The following GPHN variants were observed in gnomAD, a reference collection of about 807,000 sequenced individuals.
The protein encoded by GPHN is gephyrin.
Under a neutral mutation model 95.5 loss-of-function variants are expected in GPHN, and 17 were observed. That is an observed-to-expected ratio of 0.18 (90% confidence interval 0.12 to 0.27). The LOEUF (loss-of-function observed/expected upper bound fraction) is 0.27, where lower values mean the gene tolerates loss of function less well. GPHN is among the 10% of genes least tolerant of loss of function. The pLI is 1.00. For synonymous variants in GPHN, 320 were observed against 322.5 expected, an observed-to-expected ratio of 0.99 and a Z score of 0.08; for missense variants, 660 against 978.1, an observed-to-expected ratio of 0.67 and a Z score of 4.34.
At chr14:67,510,677 G>A in the GPHN span, among the ~76,000 whole-genome samples, 1 of 152,214 alleles carries the variant, frequency 6.6e-6, no homozygotes, top group Non-Finnish European at 1.5e-5. Context: ...TAAGACCAAT[G>A]CTCTGGCTGC....
chr14:67,681,713 C>T, the GPHN span, among the ~76,000 whole-genome samples: 20 of 152,072 alleles, frequency 1.3e-4, no homozygotes, highest in African/African-American at 4.6e-4. Context: ...ACCCAGGAGG[C>T]GGAGGTTGCA....
At chr14:66,908,305 C>T (rs2065485608) in intron 5 of GPHN, among the ~76,000 whole-genome samples, 2 of 151,456 alleles carry the variant, frequency 1.3e-5, no homozygotes, top group African/African-American at 4.8e-5. Flanking sequence ...CACACATTGG[C>T]GGGTATATAT....
the GPHN span, among the ~76,000 whole-genome samples, chr14:67,408,339 TAAAATAAAATAAAATAAAAA>T: frequency 1.2e-4 from 17 of 141,670 alleles, no homozygotes; most frequent in African/African-American, 4.4e-4. Flanking sequence ...TAAAATAAAA[TAAAATAAAATAAAATAAAAA>T]AAGAAAAAAC....
the GPHN span, among the ~76,000 whole-genome samples, chr14:67,449,514 T>C: frequency 7.0e-3 from 1,071 of 152,090 alleles, 2 homozygotes; most frequent in Non-Finnish European, 0.013. Flanking sequence ...CTGACAATGG[T>C]CCCCTGTATC....
At chr14:66,603,378 G>T (rs538916117) in intron 1 of GPHN, among the ~76,000 whole-genome samples, 1 of 151,642 alleles carries the variant, frequency 6.6e-6, no homozygotes, top group Admixed American at 6.6e-5. Context: ...GAATCATACC[G>T]TACGAACACT....
chr14:66,905,224 A>G (rs1408301057), intron 5 of GPHN, among the ~76,000 whole-genome samples: 1 of 152,030 alleles, frequency 6.6e-6, no homozygotes, highest in Admixed American at 6.6e-5. Context: ...CTTCTAACGA[A>G]CTTTTCAGTT....
At chr14:67,029,015 T>A (rs2074057875) in intron 10 of GPHN, among the ~76,000 whole-genome samples, 1 of 152,236 alleles carries the variant, frequency 6.6e-6, no homozygotes, top group Non-Finnish European at 1.5e-5. Flanking sequence ...TTTAAGTATT[T>A]AATCTATTTT....
intron 16 of GPHN, among the ~76,000 whole-genome samples, chr14:67,117,204 AAAGG>A (rs2078744682): frequency 6.6e-6 from 1 of 152,226 alleles, no homozygotes; most frequent in Admixed American, 6.5e-5. Context: ...CATGAGAAAG[AAAGG>A]AAGTCATTAC....
At chr14:67,198,468 AC>A in the GPHN span, 6 of 730,026 alleles carry the variant, frequency 8.2e-6, no homozygotes, top group African/African-American at 1.8e-5. Context: ...ACTTTAAAAA[AC>A]CTGAAATAAT....
chr14:66,672,933 A>C (rs1164637038), intron 1 of GPHN, among the ~76,000 whole-genome samples: 5 of 152,258 alleles, frequency 3.3e-5, no homozygotes. Flanking sequence ...AGGTGAATTA[A>C]TATCTACCAT....
the GPHN span, chr14:67,395,375 A>T: frequency 6.2e-7 from 1 of 1,605,526 alleles, no homozygotes; most frequent in Non-Finnish European, 8.5e-7. Context: ...AGAGGCTGCC[A>T]CAGAGCCCGG....
the GPHN span, among the ~76,000 whole-genome samples, chr14:67,706,428 G>A: frequency 2.6e-5 from 4 of 152,152 alleles, no homozygotes; most frequent in Admixed American, 2.6e-4. Context: ...TGTCCAAGGT[G>A]GTCAGAACAC....
chr14:67,369,856 T>TGTTGGGGA, the GPHN span, among the ~76,000 whole-genome samples: 1 of 152,234 alleles, frequency 6.6e-6, no homozygotes, highest in African/African-American at 2.4e-5. Flanking sequence ...AGACCAGCTC[T>TGTTGGGGA]GTTGGGGAGA....
chr14:66,680,341 C>T (rs2066867241), intron 1 of GPHN, among the ~76,000 whole-genome samples: 1 of 152,194 alleles, frequency 6.6e-6, no homozygotes, highest in Non-Finnish European at 1.5e-5. Context: ...ATTTTATCCT[C>T]ACAGTGGTAG....
At chr14:67,203,392 G>A in the GPHN span, 4 of 990,196 alleles carry the variant, frequency 4.0e-6, no homozygotes, top group Non-Finnish European at 5.8e-6. Flanking sequence ...CGCCAGTGGA[G>A]CATGTTACTC....
chr14:66,697,177 C>T, intron 2 of GPHN, among the ~76,000 whole-genome samples: 1 of 152,186 alleles, frequency 6.6e-6, no homozygotes, highest in East Asian at 1.9e-4. Flanking sequence ...ACTACTGAGG[C>T]ATTTTATAGT....
chr14:66,617,306 G>T (rs1222991061), intron 1 of GPHN, among the ~76,000 whole-genome samples: 3 of 152,228 alleles, frequency 2.0e-5, no homozygotes, highest in East Asian at 1.9e-4. Flanking sequence ...TTGAGAATCT[G>T]CAGAGCTCTG....
chr14:67,571,727 A>G, the GPHN span: 3 of 1,604,694 alleles, frequency 1.9e-6, no homozygotes, highest in Non-Finnish European at 1.7e-6. Context: ...CCTGAGCTGC[A>G]GTGAGGGAGG....
chr14:67,588,817 G>A, the GPHN span: 3 of 152,582 alleles, frequency 2.0e-5, no homozygotes, highest in Non-Finnish European at 4.4e-5. Flanking sequence ...GCCAGAACTA[G>A]TTTATCTGAA....
Sources: allele counts gnomAD v4.1 joint callset (sites outside exome capture counted in the v4.1 genomes callset), GRCh38; gene constraint gnomAD v4.1.1; transcripts MANE v1.5; gene names NCBI Gene and HGNC (gene_info 2026-07-23, HGNC 2026-07-21).